Variants in MYH15 observed in about 807,000 individuals in gnomAD.
MYH15 encodes myosin heavy chain 15.
A neutral mutation model predicts 240.5 loss-of-function variants in MYH15; 227 were observed. The observed-to-expected ratio is 0.94, with a 90% confidence interval of 0.85 to 1.05. The LOEUF (loss-of-function observed/expected upper bound fraction) is 1.05, where lower values mean the gene tolerates loss of function less well. Among genes scored for constraint, MYH15 ranks in the 50% least tolerant of loss-of-function variants. MYH15 has a pLI of 0.00. For missense variants in MYH15, 2,217 were observed against 2,247.5 expected (o/e 0.99, Z 0.27); for synonymous variants, 785 against 796.7 (o/e 0.99, Z 0.25).
chr3:108,498,136 A>G lies in MYH15; in HGVS notation c.534T>C (p.Ser178=). The G allele has an allele frequency of 6.2e-7, 1 of 1,613,954 alleles. No homozygotes were observed. The highest frequency in any genetic ancestry group is 1.3e-5 in the African/African-American group (1 of 75,040). ...TGCTGTTCACAGTCTTTCCAGCACC[A>G]GATTCTCCTCTGTGATTTGAAATTC... ...ENQSILFTGE[S]GAGKTVNSKH... The change falls in exon 6 of 41, where the codon TCT becomes TCC. Residue 178 remains serine, a synonymous_variant. Transcript: ENST00000693548.
intron 22 of MYH15, among the ~76,000 whole-genome samples, chr3:108,442,576 G>A (rs2082893295): frequency 6.6e-6 from 1 of 152,108 alleles, no homozygotes. Context: ...AAAGAGGACA[G>A]TCCAATCGAC....
intron 21 of MYH15, among the ~76,000 whole-genome samples, chr3:108,446,997 T>C (rs926450434): frequency 6.6e-6 from 1 of 151,698 alleles, no homozygotes; most frequent in Non-Finnish European, 1.5e-5. Context: ...AAATAATACA[T>C]GAACAAAAGG....
intron 19 of MYH15, 40 bp downstream of exon 19, chr3:108,456,726 A>C (rs753003150): frequency 7.0e-7 from 1 of 1,433,130 alleles, no homozygotes; most frequent in Admixed American, 1.7e-5. Context: ...AAACAGAATG[A>C]ACTGCCTCAG....
the MYH15 span, among the ~76,000 whole-genome samples, chr3:108,547,534 TA>T: frequency 7.3e-5 from 11 of 151,166 alleles, 1 homozygote; most frequent in South Asian, 1.3e-3. Context: ...TTCTTGTAGT[TA>T]AAAAAAAATC....
At chr3:108,486,215 A>G (rs2083304433) in intron 10 of MYH15, among the ~76,000 whole-genome samples, 1 of 152,236 alleles carries the variant, frequency 6.6e-6, no homozygotes, top group Non-Finnish European at 1.5e-5. Context: ...GAGTTGAAAT[A>G]TCTTTCTACT....
intron 25 of MYH15, among the ~76,000 whole-genome samples, chr3:108,431,831 A>T (rs963158601): frequency 6.6e-6 from 1 of 152,200 alleles, no homozygotes; most frequent in African/African-American, 2.4e-5. Flanking sequence ...TGAAATGGAC[A>T]ATGAAATCCA....
intron 6 of MYH15, among the ~76,000 whole-genome samples, chr3:108,497,590 A>C (rs372693446): frequency 2.2e-4 from 33 of 152,116 alleles, no homozygotes; most frequent in African/African-American, 7.5e-4. Context: ...GTATGTGATT[A>C]ACATTGAGGG....
At chr3:108,483,087 C>A (rs1421261372) in intron 11 of MYH15, among the ~76,000 whole-genome samples, 2 of 151,668 alleles carry the variant, frequency 1.3e-5, no homozygotes, top group African/African-American at 4.8e-5. Flanking sequence ...AGCTTCCCAG[C>A]TACTCGGGAG....
At chr3:108,542,742 C>T in the MYH15 span, among the ~76,000 whole-genome samples, 1 of 152,116 alleles carries the variant, frequency 6.6e-6, no homozygotes, top group Non-Finnish European at 1.5e-5. Context: ...TGTGTTGTTC[C>T]CCACGTGTCC....
At chr3:108,549,760 G>C in the MYH15 span, 4 of 151,986 alleles carry the variant, frequency 2.6e-5, no homozygotes, top group Non-Finnish European at 5.9e-5. Flanking sequence ...GTATAGGGTA[G>C]CACTAGGCTA....
intron 12 of MYH15, among the ~76,000 whole-genome samples, chr3:108,474,961 A>T (rs2107589770): frequency 6.6e-6 from 1 of 152,342 alleles, no homozygotes; most frequent in East Asian, 1.9e-4. Flanking sequence ...CAAAAATCTA[A>T]GCAGATTATT....
At chr3:108,415,668 C>G (rs191713353) in intron 29 of MYH15, among the ~76,000 whole-genome samples, 9 of 152,264 alleles carry the variant, frequency 5.9e-5, no homozygotes, top group African/African-American at 1.9e-4. Flanking sequence ...TGTTTGGCTC[C>G]TTCTCATCAT....
chr3:108,462,254 C>T (rs912595924), intron 16 of MYH15, among the ~76,000 whole-genome samples: 29 of 152,110 alleles, frequency 1.9e-4, no homozygotes, highest in Admixed American at 1.6e-3. Flanking sequence ...TCAAATCCAT[C>T]ACATGATGGT....
intron 25 of MYH15, 122 bp from the exon 26 acceptor site, chr3:108,431,044 A>G (rs2082774702): frequency 2.9e-6 from 2 of 680,724 alleles, no homozygotes; most frequent in African/African-American, 1.8e-5. Flanking sequence ...AGATATCCCA[A>G]TTACCCTGAT....
At chr3:108,488,320 T>G (rs545731127) in intron 9 of MYH15, among the ~76,000 whole-genome samples, 8 of 152,278 alleles carry the variant, frequency 5.3e-5, no homozygotes. Flanking sequence ...TCTTTCCTTT[T>G]CTTTTGAGGC....
At chr3:108,451,822 A>C in intron 21 of MYH15, among the ~76,000 whole-genome samples, 1 of 152,296 alleles carries the variant, frequency 6.6e-6, no homozygotes, top group South Asian at 2.1e-4. Flanking sequence ...AAGTAAGTTT[A>C]ACATTTTTAA....
intron 24 of MYH15, among the ~76,000 whole-genome samples, 199 bp downstream of exon 24, chr3:108,439,538 C>G (rs2082868283): frequency 6.6e-6 from 1 of 152,206 alleles, no homozygotes; most frequent in Admixed American, 6.5e-5. Context: ...TAAAAACCGA[C>G]AGATTATATG....
chr3:108,448,064 A>T (rs1391998906), intron 21 of MYH15, among the ~76,000 whole-genome samples: 2 of 152,132 alleles, frequency 1.3e-5, no homozygotes, highest in Admixed American at 1.3e-4. Context: ...TAAGATAAAC[A>T]TATAACTACA....
chr3:108,486,787 TA>T (rs3054263), intron 9 of MYH15, among the ~76,000 whole-genome samples: 6 of 150,384 alleles, frequency 4.0e-5, no homozygotes, highest in African/African-American at 1.2e-4. Context: ...TCAATTGGTG[TA>T]AAAAAAAACA....
Sources: allele counts gnomAD v4.1 joint callset (sites outside exome capture counted in the v4.1 genomes callset), GRCh38; gene constraint gnomAD v4.1.1; transcripts MANE v1.5; gene names NCBI Gene and HGNC (gene_info 2026-07-23, HGNC 2026-07-21).